TAFA1: variants seen among roughly 807,000 people sequenced by gnomAD.
The protein encoded by TAFA1 is chemokine-like protein TAFA-1.
TAFA1 carries 4 observed loss-of-function variants against 18.5 expected under a neutral mutation model. The ratio of observed to expected loss-of-function variants is 0.22; its 90% CI spans 0.11 to 0.49. The LOEUF (loss-of-function observed/expected upper bound fraction) is 0.49. TAFA1 is among the 20% of genes least tolerant of loss of function. The pLI is 0.98. For synonymous variants in TAFA1, 56 were observed against 55.2 expected, an observed-to-expected ratio of 1.01 and a Z score of -0.06; for missense variants, 147 against 169.0, an observed-to-expected ratio of 0.87 and a Z score of 0.72.
At chr3:68,280,118 T>C (rs1181107352) in intron 2 of TAFA1, among the ~76,000 whole-genome samples, 1 of 152,124 alleles carries the variant, frequency 6.6e-6, no homozygotes, top group African/African-American at 2.4e-5. Flanking sequence ...TTCACTGTCA[T>C]TAAGATTCTG....
chr3:68,490,898 A>C (rs1249497913), intron 3 of TAFA1, among the ~76,000 whole-genome samples: 1 of 150,988 alleles, frequency 6.6e-6, no homozygotes, highest in East Asian at 2.0e-4. Context: ...GGAGTGCAGT[A>C]ATGCAATTAC....
intron 3 of TAFA1, among the ~76,000 whole-genome samples, chr3:68,528,287 T>C (rs1203054378): frequency 1.3e-5 from 2 of 152,166 alleles, no homozygotes; most frequent in Non-Finnish European, 2.9e-5. Flanking sequence ...CTGAGAAAAC[T>C]TAATCTTGAA....
chr3:68,349,317 T>A (rs9825978), intron 2 of TAFA1, among the ~76,000 whole-genome samples: 2,974 of 152,046 alleles, frequency 0.02, 95 homozygotes, highest in African/African-American at 0.067. Flanking sequence ...TGCTAAAAAA[T>A]TTGTACCAGA....
At chr3:68,034,477 G>A (rs1049699053) in intron 2 of TAFA1, among the ~76,000 whole-genome samples, 3 of 152,130 alleles carry the variant, frequency 2.0e-5, no homozygotes, top group African/African-American at 7.2e-5. Context: ...AGCAAGTAAG[G>A]GAGAAGGATT....
chr3:68,433,513 ATCTT>A (rs1242574365), intron 3 of TAFA1, among the ~76,000 whole-genome samples: 1 of 152,044 alleles, frequency 6.6e-6, no homozygotes, highest in Non-Finnish European at 1.5e-5. Flanking sequence ...TTTTAATACT[ATCTT>A]TATTTCTGTA....
chr3:68,270,331 C>A (rs1302690159), intron 2 of TAFA1, among the ~76,000 whole-genome samples: 5 of 152,064 alleles, frequency 3.3e-5, no homozygotes, highest in Admixed American at 2.0e-4. Context: ...ATGATAGCTT[C>A]TAATATTTTG....
chr3:68,197,246 G>A (rs560019680), intron 2 of TAFA1, among the ~76,000 whole-genome samples: 1 of 151,638 alleles, frequency 6.6e-6, no homozygotes, highest in Non-Finnish European at 1.5e-5. Flanking sequence ...AGAATGATTT[G>A]CCCGTAAACA....
chr3:68,432,464 A>G (rs181846218), intron 3 of TAFA1, among the ~76,000 whole-genome samples: 4 of 152,180 alleles, frequency 2.6e-5, no homozygotes, highest in Admixed American at 2.6e-4. Context: ...TAATAAGTGC[A>G]TTTCTAGAGC....
chr3:68,443,320 T>C (rs2071418693), intron 3 of TAFA1, among the ~76,000 whole-genome samples: 8 of 151,902 alleles, frequency 5.3e-5, no homozygotes, highest in Admixed American at 4.6e-4. Context: ...TATCTGTGCC[T>C]ACTTTTCCCA....
intron 3 of TAFA1, among the ~76,000 whole-genome samples, chr3:68,503,049 T>C (rs2072684251): frequency 2.0e-5 from 3 of 152,124 alleles, no homozygotes; most frequent in Admixed American, 2.0e-4. Context: ...AAATCCATAA[T>C]CTGACCTACT....
intron 2 of TAFA1, among the ~76,000 whole-genome samples, chr3:68,064,285 G>A (rs1346465749): frequency 6.6e-6 from 1 of 152,056 alleles, no homozygotes; most frequent in East Asian, 1.9e-4. Flanking sequence ...AGGACTCTCT[G>A]GGCTCTTTTA....
intron 3 of TAFA1, among the ~76,000 whole-genome samples, chr3:68,513,946 C>T (rs573373450): frequency 1.8e-4 from 28 of 152,216 alleles, no homozygotes; most frequent in African/African-American, 6.7e-4. Context: ...TTATAAACAA[C>T]GTCTATTTCT....
At chr3:68,187,694 A>T (rs1354427734) in intron 2 of TAFA1, among the ~76,000 whole-genome samples, 1 of 151,970 alleles carries the variant, frequency 6.6e-6, no homozygotes, top group African/African-American at 2.4e-5. Flanking sequence ...GGGATTTTGG[A>T]TCATCATATG....
intron 2 of TAFA1, among the ~76,000 whole-genome samples, chr3:68,300,740 G>A (rs2068289468): frequency 6.6e-6 from 1 of 152,092 alleles, no homozygotes; most frequent in Non-Finnish European, 1.5e-5. Context: ...AATCATGGGT[G>A]CAGTTTCCTC....
At chr3:68,026,079 G>A (rs1704808196) in intron 2 of TAFA1, among the ~76,000 whole-genome samples, 1 of 152,090 alleles carries the variant, frequency 6.6e-6, no homozygotes, top group African/African-American at 2.4e-5. Flanking sequence ...ATGAGATAGA[G>A]ACCATTCCTT....
upstream of TAFA1, among the ~76,000 whole-genome samples, chr3:67,999,287 C>CTGTGTGTG (rs796820506): frequency 6.8e-4 from 101 of 147,764 alleles, 1 homozygote; most frequent in Admixed American, 1.5e-3. Context: ...CCCCCTCTCT[C>CTGTGTGTG]TGTGTGTGTG....
At chr3:68,439,549 T>C (rs1306918963) in intron 3 of TAFA1, among the ~76,000 whole-genome samples, 1 of 150,860 alleles carries the variant, frequency 6.6e-6, no homozygotes, top group East Asian at 2.0e-4. Flanking sequence ...GCTGAAGAAC[T>C]TGGAATCCGA....
intron 3 of TAFA1, among the ~76,000 whole-genome samples, chr3:68,418,444 C>T (rs1311425818): frequency 3.7e-5 from 2 of 54,106 alleles, no homozygotes; most frequent in African/African-American, 1.2e-4. Context: ...GCCATTTTCA[C>T]TTCTTTTGTG....
chr3:68,051,623 G>T (rs143295459), intron 2 of TAFA1, among the ~76,000 whole-genome samples: 1 of 152,072 alleles, frequency 6.6e-6, no homozygotes, highest in African/African-American at 2.4e-5. Flanking sequence ...AGAAACTCTC[G>T]TTTAGATTGT....
Sources: allele counts gnomAD v4.1 joint callset (sites outside exome capture counted in the v4.1 genomes callset), GRCh38; gene constraint gnomAD v4.1.1; transcripts MANE v1.5; gene names NCBI Gene and HGNC (gene_info 2026-07-23, HGNC 2026-07-21).